RSPO2: variants seen among roughly 807,000 people sequenced by gnomAD.
The protein encoded by RSPO2 is R-spondin-2.
RSPO2 carries 14 observed loss-of-function variants against 30.9 expected under a neutral mutation model. That is an observed-to-expected ratio of 0.45 (90% confidence interval 0.30 to 0.71). The LOEUF is 0.71. RSPO2 is among the 30% of genes least tolerant of loss of function. The pLI is 0.08. For synonymous variants in RSPO2, 107 were observed against 96.4 expected (o/e 1.11, Z -0.64); for missense variants, 264 against 301.9 (o/e 0.87, Z 0.93).
intron 5 of RSPO2, among the ~76,000 whole-genome samples, chr8:107,910,132 G>GGAGGA (rs561970681): frequency 4.6e-3 from 695 of 152,246 alleles, no homozygotes; most frequent in African/African-American, 0.012. Flanking sequence ...CTCCATAGCT[G>GGAGGA]ACTTCATACT....
At chr8:107,965,847 A>G (rs1485385712) in intron 3 of RSPO2, among the ~76,000 whole-genome samples, 1 of 152,258 alleles carries the variant, frequency 6.6e-6, no homozygotes, top group Non-Finnish European at 1.5e-5. Flanking sequence ...ACTGCAAATC[A>G]TATGGAAGAA....
intron 5 of RSPO2, among the ~76,000 whole-genome samples, chr8:107,952,520 TAAAAG>T (rs904631193): frequency 5.9e-5 from 9 of 152,168 alleles, no homozygotes; most frequent in African/African-American, 2.2e-4. Flanking sequence ...TGACAAACTC[TAAAAG>T]AAAAGAGGTT....
chr8:108,010,068 A>T (rs1178163522), intron 2 of RSPO2, among the ~76,000 whole-genome samples: 1 of 152,128 alleles, frequency 6.6e-6, no homozygotes, highest in African/African-American at 2.4e-5. Context: ...AAATAAAAAA[A>T]AAAATTAAGA....
intron 2 of RSPO2, among the ~76,000 whole-genome samples, chr8:108,028,959 ATT>A (rs5893900): frequency 0.066 from 9,729 of 146,766 alleles, 933 homozygotes; most frequent in African/African-American, 0.21. Context: ...TAAATATCTA[ATT>A]TTTTTTTTTT....
At chr8:108,042,296 A>G (rs1261558747) in intron 2 of RSPO2, among the ~76,000 whole-genome samples, 1 of 152,152 alleles carries the variant, frequency 6.6e-6, no homozygotes, top group African/African-American at 2.4e-5. Flanking sequence ...TGGACTGGTG[A>G]TAACGTGGGG....
intron 3 of RSPO2, among the ~76,000 whole-genome samples, chr8:107,985,705 A>G (rs529177441): frequency 6.6e-6 from 1 of 152,300 alleles, no homozygotes; most frequent in Admixed American, 6.5e-5. Context: ...TAAAGAATAA[A>G]GTTTTATGTA....
chr8:108,029,297 A>C (rs1811339408), intron 2 of RSPO2, among the ~76,000 whole-genome samples: 1 of 151,888 alleles, frequency 6.6e-6, no homozygotes, highest in South Asian at 2.1e-4. Context: ...AAAGCCTAAA[A>C]TATTTCCTCT....
intron 5 of RSPO2, among the ~76,000 whole-genome samples, chr8:107,949,654 G>C (rs1169874659): frequency 6.6e-6 from 1 of 152,168 alleles, no homozygotes; most frequent in Admixed American, 6.5e-5. Context: ...TCACTTGTAA[G>C]TAGGAGAGAA....
intron 2 of RSPO2, among the ~76,000 whole-genome samples, chr8:108,039,967 C>A (rs150920749): frequency 1.3e-3 from 193 of 152,176 alleles, no homozygotes; most frequent in African/African-American, 4.0e-3. Context: ...ACCAAGATGT[C>A]CCTCACCAGA....
intron 3 of RSPO2, among the ~76,000 whole-genome samples, chr8:107,978,735 G>GA (rs1814307576): frequency 6.6e-6 from 1 of 152,098 alleles, no homozygotes; most frequent in Non-Finnish European, 1.5e-5. Context: ...CCATCAGAGT[G>GA]AACAGGCAAC....
At chr8:107,983,125 A>G (rs1814508452) in intron 3 of RSPO2, 1 of 1,451,582 alleles carries the variant, frequency 6.9e-7, no homozygotes, top group African/African-American at 1.4e-5. Flanking sequence ...CTATGGAAGT[A>G]ATGAAGGACC....
At chr8:108,061,638 T>C (rs1432762531) in intron 2 of RSPO2, among the ~76,000 whole-genome samples, 1 of 151,434 alleles carries the variant, frequency 6.6e-6, no homozygotes, top group Admixed American at 6.6e-5. Flanking sequence ...AGACAGAAAG[T>C]TAACAAGGAT....
intron 5 of RSPO2, among the ~76,000 whole-genome samples, chr8:107,913,036 T>C (rs890847644): frequency 4.6e-5 from 7 of 152,210 alleles, no homozygotes; most frequent in Non-Finnish European, 1.0e-4. Context: ...CATGTGATAA[T>C]TTAACATTCA....
chr8:108,056,339 G>A (rs1812240617), intron 2 of RSPO2, among the ~76,000 whole-genome samples: 1 of 152,044 alleles, frequency 6.6e-6, no homozygotes, highest in Non-Finnish European at 1.5e-5. Flanking sequence ...GCCCAATCTT[G>A]TAAGCATAGT....
intron 2 of RSPO2, among the ~76,000 whole-genome samples, chr8:108,078,303 T>C (rs1162469358): frequency 6.6e-6 from 1 of 152,214 alleles, no homozygotes. Context: ...GCCGTTATGT[T>C]GGAAGAGAAA....
intron 5 of RSPO2, among the ~76,000 whole-genome samples, chr8:107,905,551 G>T (rs1443827725): frequency 6.6e-6 from 1 of 151,944 alleles, no homozygotes; most frequent in East Asian, 1.9e-4. Context: ...TGAAACCTGG[G>T]CTTCACTGAA....
At chr8:108,041,203 C>CAAAAAAAAA (rs55937336) in intron 2 of RSPO2, among the ~76,000 whole-genome samples, 21 of 100,382 alleles carry the variant, frequency 2.1e-4, no homozygotes, top group African/African-American at 6.1e-4. Flanking sequence ...CAAAAAGTGG[C>CAAAAAAAAA]AAAAAAAAAA....
chr8:108,023,440 A>G (rs141552452), intron 2 of RSPO2, among the ~76,000 whole-genome samples: 66 of 152,340 alleles, frequency 4.3e-4, no homozygotes, highest in Middle Eastern at 3.4e-3. Context: ...CAAGTGCATG[A>G]GGATCAGATA....
intron 2 of RSPO2, among the ~76,000 whole-genome samples, chr8:108,003,225 A>C (rs1815307297): frequency 8.4e-6 from 1 of 118,464 alleles, no homozygotes; most frequent in African/African-American, 3.3e-5. Context: ...CTAATTTTGT[A>C]TGTGTGTGTA....
Sources: allele counts gnomAD v4.1 joint callset (sites outside exome capture counted in the v4.1 genomes callset), GRCh38; gene constraint gnomAD v4.1.1; transcripts MANE v1.5; gene names NCBI Gene and HGNC (gene_info 2026-07-23, HGNC 2026-07-21).